The following DAB1 variants were observed in gnomAD, a reference collection of about 807,000 sequenced individuals.
The protein encoded by DAB1 is DAB adaptor protein 1.
A neutral mutation model predicts 64.6 loss-of-function variants in DAB1; 15 were observed. That is an observed-to-expected ratio of 0.23 (90% CI 0.16 to 0.36). The LOEUF (loss-of-function observed/expected upper bound fraction) is 0.36. DAB1 is among the 10% of genes least tolerant of loss of function. The probability of loss-of-function intolerance (pLI) is 1.00; values close to 1 mark genes in which losing one functional copy is unlikely to be tolerated. For missense variants in DAB1, 596 were observed against 706.7 expected (o/e 0.84, Z 1.78); for synonymous variants, 235 against 251.9 (o/e 0.93, Z 0.64).
intron 2 of DAB1, among the ~76,000 whole-genome samples, chr1:57,172,906 C>T (rs979942279): frequency 6.6e-6 from 1 of 152,172 alleles, no homozygotes; most frequent in Non-Finnish European, 1.5e-5. Flanking sequence ...ATGGAGCTAA[C>T]ATTTCAGCCT....
At chr1:57,397,881 G>C (rs1682938513) in intron 1 of DAB1, among the ~76,000 whole-genome samples, 1 of 152,166 alleles carries the variant, frequency 6.6e-6, no homozygotes, top group South Asian at 2.1e-4. Context: ...AATATGCAAG[G>C]CTTTGCATTT....
chr1:57,311,306 G>A (rs1445641881), intron 1 of DAB1, among the ~76,000 whole-genome samples: 1 of 152,178 alleles, frequency 6.6e-6, no homozygotes, highest in Non-Finnish European at 1.5e-5. Context: ...AAGGTGGCAA[G>A]ATTAAATTTG....
intron 3 of DAB1, among the ~76,000 whole-genome samples, chr1:58,502,271 A>G (rs996581945): frequency 1.2e-4 from 19 of 152,126 alleles, no homozygotes; most frequent in African/African-American, 4.6e-4. Flanking sequence ...TTGGTTTCCT[A>G]TTTGCTTTCT....
rs144962829 is a variant in DAB1 at position 57,564,427 on chromosome 1, C to T, written n.625+85165G>A. ...GCCCCTCGCCAGCAACAGAACAAAG[C>T]TGGATGGAAAATGACTTTGATGAGT... is the stretch of plus-strand genomic sequence containing the variant. On this transcript the variant is annotated intron_variant and non_coding_transcript_variant, in intron 7 of 20. Transcript: ENST00000485760. Among the ~76,000 whole-genome samples the T allele has an allele frequency of 8.4e-3, 1,273 of 152,258 alleles. 14 individuals carry two copies. Among genetic ancestry groups the T allele is most frequent in the African/African-American group, 0.028 (1,168 of 41,542 alleles).
intron 4 of DAB1, among the ~76,000 whole-genome samples, chr1:58,218,223 A>G (rs1320949706): frequency 6.6e-6 from 1 of 152,148 alleles, no homozygotes; most frequent in Non-Finnish European, 1.5e-5. Context: ...TCATGCACTC[A>G]AGAGAACAAA....
intron 2 of DAB1, among the ~76,000 whole-genome samples, chr1:57,279,828 T>C (rs1323166614): frequency 6.6e-6 from 1 of 152,240 alleles, no homozygotes; most frequent in Non-Finnish European, 1.5e-5. Context: ...CTTCTGCAAG[T>C]CACAGACAAG....
chr1:57,170,863 A>C (rs982637808), intron 2 of DAB1, among the ~76,000 whole-genome samples: 14 of 152,146 alleles, frequency 9.2e-5, no homozygotes, highest in African/African-American at 3.4e-4. Flanking sequence ...CACAGGTGTG[A>C]GGCTTTTGAT....
chr1:57,216,810 G>A (rs781320858), intron 2 of DAB1, among the ~76,000 whole-genome samples: 5 of 151,604 alleles, frequency 3.3e-5, no homozygotes, highest in Non-Finnish European at 7.4e-5. Context: ...CTTGGAAGCA[G>A]CAAGATTCTA....
At chr1:57,520,257 C>G (rs1558456233) in intron 7 of DAB1, among the ~76,000 whole-genome samples, 1 of 151,906 alleles carries the variant, frequency 6.6e-6, no homozygotes, top group Non-Finnish European at 1.5e-5. Flanking sequence ...ACTTTGAATC[C>G]CAGGTTTATT....
Position 58,231,782 on chromosome 1 carries a change from C to G in DAB1, n.310-81194G>C, listed in dbSNP as rs867989679. Among the ~76,000 whole-genome samples, 4 of 152,228 alleles carry G rather than the reference C, an allele frequency of 2.6e-5. No individual in the cohort carries two copies. The Middle Eastern group carries it at 0.01, about 388-fold the overall frequency. ...TCAGGGTTCTTGATTGGAACATAACCAAGTGGGGACAGTTGGAGTATAGTC... is the reference window on the plus strand; with the variant it reads ...TCAGGGTTCTTGATTGGAACATAACGAAGTGGGGACAGTTGGAGTATAGTC... On this transcript the variant is annotated intron_variant and non_coding_transcript_variant, in intron 4 of 20. Coordinates refer to the DAB1 transcript ENST00000485760.
intron 5 of DAB1, among the ~76,000 whole-genome samples, chr1:57,966,205 G>A (rs979590699): frequency 6.6e-6 from 1 of 152,160 alleles, no homozygotes; most frequent in Non-Finnish European, 1.5e-5. Context: ...ATAGCTTAAG[G>A]AGGTTGCGAT....
rs147961661 is a variant in DAB1 at position 57,949,586 on chromosome 1, A to G, written n.388-65424T>C. Among the ~76,000 whole-genome samples, 430 of 152,080 alleles carry G rather than the reference A, an allele frequency of 2.8e-3. 4 individuals are homozygous for G. Among genetic ancestry groups the G allele is most frequent in the African/African-American group, 9.7e-3 (402 of 41,488 alleles). On this transcript the variant is annotated intron_variant and non_coding_transcript_variant, in intron 5 of 20. Coordinates refer to the DAB1 transcript ENST00000485760. ...CACACAATATATATATATAATGCAC[A>G]TATTTCTAAAGAATACATTACTTAG...
chr1:57,839,874 G>T (rs1199921074), intron 1 of DAB1, among the ~76,000 whole-genome samples: 2 of 152,206 alleles, frequency 1.3e-5, no homozygotes, highest in Non-Finnish European at 1.5e-5. Flanking sequence ...GCCTTTCTGT[G>T]TAAGGTTAAG....
intron 5 of DAB1, among the ~76,000 whole-genome samples, chr1:58,090,263 G>C (rs1311896227): frequency 6.6e-6 from 1 of 152,088 alleles, no homozygotes; most frequent in Non-Finnish European, 1.5e-5. Context: ...AAAGAATTAA[G>C]ACAGCACGGT....
At chr1:57,751,771 G>C (rs528162066) in intron 6 of DAB1, among the ~76,000 whole-genome samples, 26 of 152,068 alleles carry the variant, frequency 1.7e-4, no homozygotes, top group South Asian at 8.3e-4. Flanking sequence ...AACTCTCAGG[G>C]TTCCCTCCTC....
At chr1:58,215,878 G>A (rs531244697) in intron 4 of DAB1, among the ~76,000 whole-genome samples, 1 of 152,236 alleles carries the variant, frequency 6.6e-6, no homozygotes, top group East Asian at 1.9e-4. Flanking sequence ...CTTCTCTTGA[G>A]AATGCAGTTT....
chr1:57,539,834 T>C (rs544383670), intron 7 of DAB1, among the ~76,000 whole-genome samples: 1 of 152,292 alleles, frequency 6.6e-6, no homozygotes, highest in African/African-American at 2.4e-5. Context: ...TACAGCAAAC[T>C]TGGGCACATT....
chr1:57,415,219 A>C (rs896183522), intron 1 of DAB1, among the ~76,000 whole-genome samples: 6 of 149,922 alleles, frequency 4.0e-5, no homozygotes. Flanking sequence ...ATATGAAAGA[A>C]AATTAGAATA....
chr1:57,454,949 C>T (rs966774046), intron 7 of DAB1, among the ~76,000 whole-genome samples: 1 of 151,882 alleles, frequency 6.6e-6, no homozygotes, highest in Non-Finnish European at 1.5e-5. Context: ...GCTGTAAGTG[C>T]TTTAATAAAG....
Sources: allele counts gnomAD v4.1 joint callset (sites outside exome capture counted in the v4.1 genomes callset), GRCh38; gene constraint gnomAD v4.1.1; transcripts MANE v1.5; gene names NCBI Gene and HGNC (gene_info 2026-07-23, HGNC 2026-07-21).